Variants in AGPAT3 observed in about 807,000 individuals in gnomAD.
AGPAT3 encodes 1-acylglycerol-3-phosphate O-acyltransferase 3, also known as 1-acyl-sn-glycerol-3-phosphate acyltransferase gamma.
A neutral mutation model predicts 47.3 loss-of-function variants in AGPAT3; 5 were observed. The ratio of observed to expected loss-of-function variants is 0.11; its 90% CI spans 0.06 to 0.22. AGPAT3 has a LOEUF of 0.22. AGPAT3 is among the 10% of genes least tolerant of loss of function. The pLI is 1.00. For missense variants in AGPAT3, 315 were observed against 493.0 expected, an observed-to-expected ratio of 0.64 and a Z score of 3.42; for synonymous variants, 212 against 208.3, an observed-to-expected ratio of 1.02 and a Z score of -0.15.
chr21:43,891,361 C>T (rs961593593), intron 1 of AGPAT3, among the ~76,000 whole-genome samples: 4 of 152,070 alleles, frequency 2.6e-5, no homozygotes, highest in Non-Finnish European at 5.9e-5. Flanking sequence ...GGGCCGGGTG[C>T]GGTGGCTCAC....
At chr21:43,961,278 A>G (rs1426156744) in intron 3 of AGPAT3, among the ~76,000 whole-genome samples, 2 of 152,186 alleles carry the variant, frequency 1.3e-5, no homozygotes, top group African/African-American at 4.8e-5. Flanking sequence ...ATGTTTTTGC[A>G]TGAGCGCATA....
At chr21:43,967,745 T>G (rs1842468889) in intron 3 of AGPAT3, 1 of 568,754 alleles carries the variant, frequency 1.8e-6, no homozygotes, top group Non-Finnish European at 3.1e-6. Context: ...TGCTGCTACC[T>G]TCCATCTGTC....
intron 2 of AGPAT3, among the ~76,000 whole-genome samples, chr21:43,918,439 A>G (rs1175650806): frequency 6.6e-6 from 1 of 152,100 alleles, no homozygotes; most frequent in African/African-American, 2.4e-5. Context: ...GCATTTCTAA[A>G]GGGCTATGTA....
intron 1 of AGPAT3, among the ~76,000 whole-genome samples, chr21:43,894,823 G>C (rs917990134): frequency 1.3e-5 from 2 of 152,114 alleles, no homozygotes; most frequent in African/African-American, 4.8e-5. Flanking sequence ...CTATGAAAAG[G>C]CATCAGTGGC....
At chr21:43,905,984 G>A (rs372644092) in intron 2 of AGPAT3, among the ~76,000 whole-genome samples, 4 of 152,226 alleles carry the variant, frequency 2.6e-5, no homozygotes, top group East Asian at 3.8e-4. Flanking sequence ...GCCAAGGCGC[G>A]TCAGGCATCA....
At chr21:43,897,386 C>T (rs190382265) in intron 1 of AGPAT3, among the ~76,000 whole-genome samples, 16 of 151,950 alleles carry the variant, frequency 1.1e-4, no homozygotes, top group Admixed American at 6.6e-4. Context: ...CAATCTGATC[C>T]CTCTTTCTTT....
At chr21:43,974,120 T>C (rs558069403) in intron 7 of AGPAT3, among the ~76,000 whole-genome samples, 5 of 151,814 alleles carry the variant, frequency 3.3e-5, no homozygotes, top group African/African-American at 9.7e-5. Flanking sequence ...ATGTAGTATA[T>C]GTGATGTGTG....
At chr21:43,972,167 C>T (rs980472594) in intron 7 of AGPAT3, among the ~76,000 whole-genome samples, 6 of 151,292 alleles carry the variant, frequency 4.0e-5, no homozygotes, top group Admixed American at 1.3e-4. Context: ...TTCTTGGAGA[C>T]GGAGTTTCAC....
chr21:43,878,782 G>A (rs890322718), intron 1 of AGPAT3, among the ~76,000 whole-genome samples: 2 of 149,740 alleles, frequency 1.3e-5, no homozygotes, highest in African/African-American at 2.5e-5. Flanking sequence ...TTGCCCAGAC[G>A]GGAGTGCAGT....
intron 1 of AGPAT3, chr21:43,866,518 C>T (rs1359073881): frequency 1.3e-5 from 2 of 152,200 alleles, no homozygotes; most frequent in East Asian, 3.8e-4. Flanking sequence ...TTGAAAGCTT[C>T]AGAGGGGTCT....
At chr21:43,881,653 T>C (rs1323725439) in intron 1 of AGPAT3, among the ~76,000 whole-genome samples, 1 of 152,194 alleles carries the variant, frequency 6.6e-6, no homozygotes, top group East Asian at 1.9e-4. Context: ...TTAAATAAAA[T>C]GTATTATTAA....
At chr21:43,938,960 C>A (rs1166759492) in intron 2 of AGPAT3, among the ~76,000 whole-genome samples, 1 of 152,154 alleles carries the variant, frequency 6.6e-6, no homozygotes, top group Non-Finnish European at 1.5e-5. Context: ...CCACCAGGTT[C>A]ACAGGTTCAC....
At chr21:43,926,128 G>T (rs974393859) in intron 2 of AGPAT3, among the ~76,000 whole-genome samples, 4 of 152,240 alleles carry the variant, frequency 2.6e-5, no homozygotes, top group African/African-American at 9.6e-5. Context: ...GCATTCAGTG[G>T]TACGGTGGCT....
chr21:43,910,215 G>A (rs2086600394), intron 2 of AGPAT3, among the ~76,000 whole-genome samples: 1 of 152,230 alleles, frequency 6.6e-6, no homozygotes, highest in South Asian at 2.1e-4. Context: ...GGGAGTGCGT[G>A]TTCAGCCCTG....
chr21:43,866,391 G>A (rs570083030), intron 1 of AGPAT3, among the ~76,000 whole-genome samples: 1 of 152,216 alleles, frequency 6.6e-6, no homozygotes, highest in South Asian at 2.1e-4. Flanking sequence ...GCTGGGAGGT[G>A]GGGCGGGCGG....
At chr21:43,921,298 G>C (rs934373735) in intron 2 of AGPAT3, among the ~76,000 whole-genome samples, 1 of 152,142 alleles carries the variant, frequency 6.6e-6, no homozygotes, top group Non-Finnish European at 1.5e-5. Context: ...CCGCCCAGCT[G>C]TCCATCCGGA....
intron 3 of AGPAT3, chr21:43,966,478 C>T (rs912291367): frequency 1.3e-5 from 2 of 152,292 alleles, no homozygotes; most frequent in African/African-American, 4.8e-5. Context: ...CACAGGTGAC[C>T]TTTCTCTTTT....
chr21:43,906,471 C>T (rs886582618), intron 2 of AGPAT3, among the ~76,000 whole-genome samples: 6 of 152,046 alleles, frequency 3.9e-5, no homozygotes, highest in South Asian at 2.1e-4. Context: ...ATCAGAGAAA[C>T]GAACTTTTTA....
At chr21:43,976,257 G>A (rs769592544) in intron 7 of AGPAT3, among the ~76,000 whole-genome samples, 5 of 151,992 alleles carry the variant, frequency 3.3e-5, no homozygotes, top group Non-Finnish European at 5.9e-5. Flanking sequence ...AGTAGAGATG[G>A]GGTTTCACCA....
Sources: gnomAD v4.1 joint callset for allele counts (sites outside exome capture counted in the v4.1 genomes callset) on GRCh38, gnomAD v4.1.1 for gene constraint, MANE v1.5 for transcripts, NCBI Gene and HGNC (gene_info 2026-07-23, HGNC 2026-07-21) for gene names.